SFTPD: variants seen among roughly 807,000 people sequenced by gnomAD.
SFTPD encodes the protein surfactant protein D.
SFTPD carries 18 observed loss-of-function variants against 34.6 expected under a neutral mutation model. The ratio of observed to expected loss-of-function variants is 0.52; its 90% CI spans 0.36 to 0.77. The LOEUF is 0.77. SFTPD is among the 30% of genes least tolerant of loss of function. SFTPD has a pLI of 0.00. For synonymous variants in SFTPD, 155 were observed against 180.9 expected (o/e 0.86, Z 1.15); for missense variants, 433 against 468.9 (o/e 0.92, Z 0.71).
upstream of SFTPD, among the ~76,000 whole-genome samples, chr10:79,952,507 G>A (rs1338967813): frequency 6.6e-6 from 1 of 152,152 alleles, no homozygotes; most frequent in African/African-American, 2.4e-5. Flanking sequence ...CTTCTCACAC[G>A]TGGGGAGCTC....
At chr10:79,951,094 T>C (rs1156965555), upstream of SFTPD, 1 of 152,134 alleles carries the variant, frequency 6.6e-6, no homozygotes, top group African/African-American at 2.4e-5. Context: ...ATATCCTGAA[T>C]TATTTTTCTG....
At chr10:79,974,980 G>A (rs938289690) in intron 1 of SFTPD, among the ~76,000 whole-genome samples, 4 of 152,334 alleles carry the variant, frequency 2.6e-5, no homozygotes, top group Middle Eastern at 3.4e-3. Context: ...CCGAAATAAA[G>A]GGGTGGATCT....
intron 5 of SFTPD, 34 bp from the exon 6 acceptor site, chr10:79,941,548 C>T: frequency 1.3e-6 from 2 of 1,499,960 alleles, no homozygotes; most frequent in South Asian, 1.3e-5. Context: ...GAGCTATGTA[C>T]TCATTTTATT....
intron 1 of SFTPD, chr10:79,970,879 C>T (rs1305774080): frequency 6.6e-6 from 1 of 152,098 alleles, no homozygotes; most frequent in Non-Finnish European, 1.5e-5. Flanking sequence ...AATTGTTCTG[C>T]CTAGAACATC....
chr10:79,968,861 T>C (rs1842818929), intron 1 of SFTPD: 1 of 152,184 alleles, frequency 6.6e-6, no homozygotes, highest in African/African-American at 2.4e-5. Context: ...TTCATGATAG[T>C]CGTTCTGACT....
At chr10:79,959,540 T>G (rs540513700) in intron 1 of SFTPD, among the ~76,000 whole-genome samples, 1 of 151,940 alleles carries the variant, frequency 6.6e-6, no homozygotes, top group East Asian at 1.9e-4. Flanking sequence ...AGCTAGAAAA[T>G]CTGGAAGAAA....
intron 1 of SFTPD, chr10:79,982,186 C>G (rs1842895068): frequency 4.3e-6 from 2 of 460,714 alleles, no homozygotes; most frequent in Admixed American, 9.4e-5. Context: ...AGCAGAGGAG[C>G]CGCACGCGCA....
At position 79,943,248 on chromosome 10, in the gene SFTPD, C is replaced by T. The variant is rs147780868; in HGVS notation, c.200-369G>A. ...GAAGCCAACCAGAAATGGCACCAGA[C>T]AGGTGGTGCTAACTTGTTCATTCAG... On this transcript the variant is annotated intron_variant, in intron 2 of 7. Coordinates refer to ENST00000372292, the MANE Select transcript of SFTPD (RefSeq NM_003019.5). Among the ~76,000 whole-genome samples, 390 of 152,260 alleles carry T rather than the reference C, an allele frequency of 2.6e-3. 2 individuals are homozygous for T. Among genetic ancestry groups the T allele is most frequent in the African/African-American group, 8.6e-3 (359 of 41,550 alleles).
At chr10:79,950,308 T>C (rs1842702393), upstream of SFTPD, 1 of 152,256 alleles carries the variant, frequency 6.6e-6, no homozygotes, top group South Asian at 2.1e-4. Flanking sequence ...AATGTGCTTT[T>C]ATGATGAGGA....
chr10:79,979,301 G>T (rs888400358), intron 1 of SFTPD, among the ~76,000 whole-genome samples: 10 of 152,106 alleles, frequency 6.6e-5, no homozygotes, highest in Non-Finnish European at 1.2e-4. Flanking sequence ...TGCCCTGCAG[G>T]AACACCAACC....
At chr10:79,974,048 A>G (rs76861511) in intron 1 of SFTPD, among the ~76,000 whole-genome samples, 11,895 of 152,272 alleles carry the variant, frequency 0.078, 916 homozygotes, top group East Asian at 0.39. Flanking sequence ...ACCCACACAC[A>G]CACAAATAGT....
At chr10:79,942,738 C>T in intron 3 of SFTPD, 25 bp downstream of exon 3, 1 of 1,448,404 alleles carries the variant, frequency 6.9e-7, no homozygotes, top group Non-Finnish European at 9.7e-7. Context: ...CTGGAAACAC[C>T]TGAAGTCGAC....
chr10:79,942,737 C>A lies in SFTPD; in HGVS notation c.316+26G>T, dbSNP rs368425433. ...GCAGCTGCACCACCACCTGGAAACA[C>A]CTGAAGTCGACACCCAGTTGCTCAC... is the stretch of plus-strand genomic sequence containing the variant. On this transcript the variant is annotated intron_variant, in intron 3 of 7. Coordinates refer to ENST00000372292, the MANE Select transcript of SFTPD (RefSeq NM_003019.5). The A allele has an allele frequency of 1.3e-4, 190 of 1,436,738 alleles. No individual in the cohort carries two copies. In the African/African-American group the frequency reaches 2.3e-3, roughly 17 times the overall value. 89.0% of individuals were successfully genotyped at this position (1,436,738 alleles called of 1,614,324 possible). A position where few individuals can be genotyped will look rare whatever the true frequency, so the allele number is the denominator to read the frequency against.
chr10:79,956,858 GT>G (rs1181166839), intron 1 of SFTPD, among the ~76,000 whole-genome samples: 1 of 152,200 alleles, frequency 6.6e-6, no homozygotes, highest in African/African-American at 2.4e-5. Context: ...GCCTCCTCAA[GT>G]GGGTCCTTGA....
chr10:79,971,787 T>G (rs530546426), intron 1 of SFTPD: 2 of 152,344 alleles, frequency 1.3e-5, no homozygotes, highest in South Asian at 2.1e-4. Context: ...TCTTTGAATT[T>G]GATAGTTTGA....
intron 1 of SFTPD, among the ~76,000 whole-genome samples, chr10:79,959,419 G>T (rs1171729709): frequency 6.6e-6 from 1 of 152,240 alleles, no homozygotes; most frequent in Non-Finnish European, 1.5e-5. Context: ...AAGAAGAAAA[G>T]GGAGAAGAAT....
chr10:79,977,072 T>C (rs536562241), intron 1 of SFTPD, among the ~76,000 whole-genome samples: 12 of 152,330 alleles, frequency 7.9e-5, no homozygotes, highest in African/African-American at 2.9e-4. Context: ...CCTCTTTTTC[T>C]TCCCAGTCTT....
At chr10:79,965,717 T>A (rs866617219) in intron 1 of SFTPD, among the ~76,000 whole-genome samples, 2,046 of 89,098 alleles carry the variant, frequency 0.023, 11 homozygotes, top group Admixed American at 0.031. Context: ...TATCTCCCAA[T>A]GCTATCCCTC....
chr10:79,981,343 AGTTATT>A (rs1392856889), intron 1 of SFTPD, among the ~76,000 whole-genome samples: 1 of 152,256 alleles, frequency 6.6e-6, no homozygotes, highest in Non-Finnish European at 1.5e-5. Context: ...GGCAAATATA[AGTTATT>A]GGTCTTAAAG....
Sources: gnomAD v4.1 joint callset for allele counts (sites outside exome capture counted in the v4.1 genomes callset) on GRCh38, gnomAD v4.1.1 for gene constraint, MANE v1.5 for transcripts, NCBI Gene and HGNC (gene_info 2026-07-23, HGNC 2026-07-21) for gene names.